The following GABRG3 variants were observed in gnomAD, a reference collection of about 807,000 sequenced individuals.
The protein encoded by GABRG3 is gamma-aminobutyric acid type A receptor subunit gamma3.
Under a neutral mutation model 48.8 loss-of-function variants are expected in GABRG3, and 25 were observed. That is an observed-to-expected ratio of 0.51 (90% CI 0.37 to 0.72). The LOEUF (loss-of-function observed/expected upper bound fraction) is 0.72. Among genes scored for constraint, GABRG3 ranks in the 30% least tolerant of loss-of-function variants. The pLI is 0.00. For missense variants in GABRG3, 394 were observed against 577.9 expected, an observed-to-expected ratio of 0.68 and a Z score of 3.26; for synonymous variants, 227 against 217.6, an observed-to-expected ratio of 1.04 and a Z score of -0.38.
chr15:27,523,695 T>C (rs778258922), intron 7 of GABRG3, among the ~76,000 whole-genome samples: 5 of 151,894 alleles, frequency 3.3e-5, no homozygotes, highest in East Asian at 1.9e-4. Context: ...ATGAAATTTT[T>C]AGAACTGAAA....
At chr15:27,263,888 T>C (rs560151085) in intron 3 of GABRG3, among the ~76,000 whole-genome samples, 5 of 148,682 alleles carry the variant, frequency 3.4e-5, no homozygotes, top group Admixed American at 6.8e-5. Context: ...ATCGCGCCAC[T>C]GCACTCCAGC....
At chr15:27,000,185 C>A (rs1028785460) in intron 2 of GABRG3, among the ~76,000 whole-genome samples, 1 of 152,128 alleles carries the variant, frequency 6.6e-6, no homozygotes. Context: ...TCTTTGCATG[C>A]CTACTAATCT....
At chr15:27,175,129 T>C (rs1296391713) in intron 3 of GABRG3, among the ~76,000 whole-genome samples, 3 of 152,164 alleles carry the variant, frequency 2.0e-5, no homozygotes, top group Non-Finnish European at 4.4e-5. Context: ...GTGCTTCCTG[T>C]GCACCCCTCC....
At chr15:27,139,756 G>A (rs1179555793) in intron 3 of GABRG3, among the ~76,000 whole-genome samples, 1 of 152,122 alleles carries the variant, frequency 6.6e-6, no homozygotes, top group Non-Finnish European at 1.5e-5. Flanking sequence ...GTATGCTAAT[G>A]AGCTGACTGA....
At chr15:27,332,027 G>C (rs1424365266) in intron 5 of GABRG3, among the ~76,000 whole-genome samples, 1 of 151,998 alleles carries the variant, frequency 6.6e-6, no homozygotes, top group African/African-American at 2.4e-5. Context: ...CACTTTACAT[G>C]TGTAGCATTA....
chr15:27,495,029 A>G (rs917802165), intron 6 of GABRG3, among the ~76,000 whole-genome samples: 5 of 152,156 alleles, frequency 3.3e-5, no homozygotes, highest in Admixed American at 6.5e-5. Context: ...GATGTCTTTT[A>G]TTTCACACTC....
chr15:27,010,076 C>G (rs1895657448), intron 2 of GABRG3, among the ~76,000 whole-genome samples: 1 of 152,174 alleles, frequency 6.6e-6, no homozygotes, highest in African/African-American at 2.4e-5. Flanking sequence ...TCCCAAGTAG[C>G]TGGAGCTACA....
At chr15:27,512,062 C>T (rs561317334) in intron 6 of GABRG3, among the ~76,000 whole-genome samples, 4 of 152,192 alleles carry the variant, frequency 2.6e-5, no homozygotes, top group African/African-American at 4.8e-5. Context: ...GTCCAAGCCA[C>T]GCTCTTAGTA....
chr15:27,398,355 T>A (rs1887377711), intron 5 of GABRG3, among the ~76,000 whole-genome samples: 1 of 152,142 alleles, frequency 6.6e-6, no homozygotes, highest in Admixed American at 6.5e-5. Context: ...CTGAAAACCA[T>A]GCTTATTAAA....
intron 3 of GABRG3, among the ~76,000 whole-genome samples, chr15:27,131,299 C>CT (rs1347089144): frequency 6.6e-6 from 1 of 151,728 alleles, no homozygotes; most frequent in Non-Finnish European, 1.5e-5. Flanking sequence ...TGATCATGTG[C>CT]TTTTTTTTCT....
chr15:27,413,542 T>G lies in GABRG3; in HGVS notation c.575-67108T>G, dbSNP rs540919992. On this transcript the variant is annotated intron_variant, in intron 5 of 9. Transcript: ENST00000615808. ...CACACGAAAAATCATTATTTTCAAG[T>G]TGTGGTTACAGCTTAAATCACATTT... Among the ~76,000 whole-genome samples the G allele has an allele frequency of 1.2e-3, 182 of 152,334 alleles. 1 individual carries two copies. The highest frequency in any genetic ancestry group is 4.2e-3 in the African/African-American group (175 of 41,564).
chr15:27,046,830 G>T (rs1025884993), intron 3 of GABRG3, among the ~76,000 whole-genome samples: 1 of 152,224 alleles, frequency 6.6e-6, no homozygotes, highest in African/African-American at 2.4e-5. Context: ...TTTGGAGGTA[G>T]AATATAATCA....
chr15:27,530,541 A>G (rs541802835), intron 9 of GABRG3: 14 of 457,160 alleles, frequency 3.1e-5, no homozygotes, highest in South Asian at 1.9e-4. Flanking sequence ...GCTATTTTCA[A>G]TATTGTAAAT....
At chr15:27,354,956 T>G (rs1894786391) in intron 5 of GABRG3, among the ~76,000 whole-genome samples, 1 of 152,154 alleles carries the variant, frequency 6.6e-6, no homozygotes, top group African/African-American at 2.4e-5. Flanking sequence ...AGGACCTGTG[T>G]GATATGTGCT....
At chr15:27,244,652 G>A (rs9744168) in intron 3 of GABRG3, among the ~76,000 whole-genome samples, 1,638 of 152,162 alleles carry the variant, frequency 0.011, 29 homozygotes, top group African/African-American at 0.036. Context: ...TGGTTGTGGC[G>A]TGTTCCTGTA....
At chr15:27,051,118 G>GT (rs1028225267) in intron 3 of GABRG3, among the ~76,000 whole-genome samples, 10 of 152,148 alleles carry the variant, frequency 6.6e-5, no homozygotes, top group Non-Finnish European at 1.5e-4. Flanking sequence ...TAGTGCAGTT[G>GT]TTTTTTACAT....
intron 2 of GABRG3, among the ~76,000 whole-genome samples, chr15:27,009,040 A>G (rs1895639304): frequency 6.6e-6 from 1 of 152,152 alleles, no homozygotes; most frequent in East Asian, 1.9e-4. Flanking sequence ...ACAGGACGGT[A>G]GGCTCTGACA....
chr15:27,020,442 C>T (rs545847689), intron 2 of GABRG3, among the ~76,000 whole-genome samples: 46 of 152,298 alleles, frequency 3.0e-4, no homozygotes, highest in African/African-American at 9.4e-4. Flanking sequence ...GACGGAGTCT[C>T]GCTCTTTCGC....
chr15:27,180,674 C>CGT lies in GABRG3; in HGVS notation c.271-146134_271-146133insTG, dbSNP rs1887902408. Reference sequence around the variant, plus strand: ...GTGTGTGTTTGTGTGTGCACGCGCGCGCACCCCAGGTCAGTTCTAGCAATA... The same window carrying CGT: ...GTGTGTGTTTGTGTGTGCACGCGCGCGTGCACCCCAGGTCAGTTCTAGCAATA... On this transcript the variant is annotated intron_variant, in intron 3 of 9. Coordinates refer to ENST00000615808, the MANE Select transcript of GABRG3 (RefSeq NM_033223.5). The surrounding 1 kb of genome is among the most constrained non-coding windows in gnomAD (Gnocchi z 4.2). 6.6e-6 allele frequency among the ~76,000 whole-genome samples: 1 copy of CGT among 151,814 alleles called. No individual in the cohort carries two copies. Among genetic ancestry groups the CGT allele is most frequent in the East Asian group, 1.9e-4 (1 of 5,134 alleles).
Sources: allele counts gnomAD v4.1 joint callset (sites outside exome capture counted in the v4.1 genomes callset), GRCh38; gene constraint gnomAD v4.1.1; non-coding constraint Gnocchi (gnomAD v3.1); transcripts MANE v1.5; gene names NCBI Gene and HGNC (gene_info 2026-07-23, HGNC 2026-07-21).